IL1RAPL1: variants seen among roughly 807,000 people sequenced by gnomAD.
The protein encoded by IL1RAPL1 is interleukin-1 receptor accessory protein-like 1.
Under a neutral mutation model 48.4 loss-of-function variants are expected in IL1RAPL1, and 3 were observed. The ratio of observed to expected loss-of-function variants is 0.06; its 90% CI spans 0.03 to 0.16. The LOEUF (loss-of-function observed/expected upper bound fraction) is 0.16. IL1RAPL1 is among the 10% of genes least tolerant of loss of function. The pLI is 1.00. For synonymous variants in IL1RAPL1, 185 were observed against 187.7 expected, an observed-to-expected ratio of 0.99 and a Z score of 0.12; for missense variants, 349 against 530.6, an observed-to-expected ratio of 0.66 and a Z score of 3.36.
chrX:29,949,608 A>T (rs916064807), intron 9 of IL1RAPL1, among the ~76,000 whole-genome samples: 3 of 111,847 alleles, frequency 2.7e-5, no homozygotes, highest in African/African-American at 9.7e-5. Flanking sequence ...TAAGAAATAG[A>T]CTCTTGTACC....
chrX:28,588,408 T>G (rs1265164295), intron 1 of IL1RAPL1, among the ~76,000 whole-genome samples: 2 of 111,673 alleles, frequency 1.8e-5, no homozygotes, highest in Admixed American at 9.5e-5. Context: ...TTGTGGCCCC[T>G]GCGTTCTGGA....
intron 6 of IL1RAPL1, among the ~76,000 whole-genome samples, chrX:29,738,502 A>G (rs1025819178): frequency 3.3e-4 from 28 of 85,321 alleles, no homozygotes; most frequent in African/African-American, 1.3e-3. Flanking sequence ...GCTGGAGTGT[A>G]TGGTGTGATC....
intron 5 of IL1RAPL1, among the ~76,000 whole-genome samples, chrX:29,484,406 G>A (rs1222515257): frequency 9.0e-6 from 1 of 111,257 alleles, no homozygotes; most frequent in Admixed American, 9.6e-5. Flanking sequence ...CAAAATCCCC[G>A]CCTCCAAATA....
intron 6 of IL1RAPL1, among the ~76,000 whole-genome samples, chrX:29,911,708 T>C (rs760432648): frequency 8.9e-6 from 1 of 112,189 alleles, no homozygotes; most frequent in South Asian, 3.7e-4. Context: ...GAATATTTTC[T>C]TGATGTTTGT....
At chrX:29,732,103 T>A (rs1927934796) in intron 6 of IL1RAPL1, among the ~76,000 whole-genome samples, 1 of 111,880 alleles carries the variant, frequency 8.9e-6, no homozygotes, top group African/African-American at 3.2e-5. Flanking sequence ...ATATTTACTA[T>A]CCTCAAAATG....
chrX:29,216,270 G>A (rs1030743437), intron 2 of IL1RAPL1, among the ~76,000 whole-genome samples: 10 of 110,725 alleles, frequency 9.0e-5, no homozygotes, highest in Non-Finnish European at 7.6e-5. Flanking sequence ...ATTCGCTGTA[G>A]CCTCAACCTA....
chrX:28,839,365 A>T (rs1432912889), intron 2 of IL1RAPL1, among the ~76,000 whole-genome samples: 6 of 110,720 alleles, frequency 5.4e-5, no homozygotes, highest in African/African-American at 2.0e-4. Flanking sequence ...GTTTTTTCTT[A>T]TATTTATAAT....
chrX:29,740,616 CTTGTTACA>C (rs1163267347), intron 6 of IL1RAPL1, among the ~76,000 whole-genome samples: 1 of 111,599 alleles, frequency 9.0e-6, no homozygotes, highest in Non-Finnish European at 1.9e-5. Flanking sequence ...CACTGCCACA[CTTGTTACA>C]TTGTGCTGAG....
chrX:29,547,562 G>A (rs1470719397), intron 5 of IL1RAPL1, among the ~76,000 whole-genome samples: 3 of 111,837 alleles, frequency 2.7e-5, no homozygotes, highest in Non-Finnish European at 3.8e-5. Context: ...TTTTATTTAA[G>A]CTGATAACCA....
At chrX:29,914,086 G>A (rs750698219) in intron 6 of IL1RAPL1, among the ~76,000 whole-genome samples, 24 of 111,105 alleles carry the variant, frequency 2.2e-4, no homozygotes, top group Non-Finnish European at 4.0e-4. Flanking sequence ...ACTGGTTAGA[G>A]TTCTCCTAGG....
At chrX:29,906,883 A>ATTTT (rs1168646497) in intron 6 of IL1RAPL1, among the ~76,000 whole-genome samples, 2 of 110,424 alleles carry the variant, frequency 1.8e-5, no homozygotes, top group Non-Finnish European at 3.8e-5. Context: ...GTGGAGGTAA[A>ATTTT]TTTTTTGACA....
intron 2 of IL1RAPL1, among the ~76,000 whole-genome samples, chrX:29,131,262 CTG>C (rs1363446534): frequency 1.2e-5 from 1 of 86,604 alleles, no homozygotes; most frequent in African/African-American, 3.6e-5. Flanking sequence ...GTTTATATGC[CTG>C]TGTGTGTGTG....
intron 6 of IL1RAPL1, among the ~76,000 whole-genome samples, chrX:29,879,912 C>A (rs956786927): frequency 1.8e-5 from 2 of 111,069 alleles, no homozygotes; most frequent in Non-Finnish European, 3.8e-5. Context: ...TTAATAGTTT[C>A]GTGCCTAAGA....
chrX:29,656,990 A>G (rs1925702440), intron 5 of IL1RAPL1, among the ~76,000 whole-genome samples: 1 of 110,662 alleles, frequency 9.0e-6, no homozygotes, highest in Non-Finnish European at 1.9e-5. Flanking sequence ...CCCGTACCCT[A>G]TCATACCTGA....
At chrX:29,076,537 C>T (rs754586224) in intron 2 of IL1RAPL1, among the ~76,000 whole-genome samples, 2 of 111,629 alleles carry the variant, frequency 1.8e-5, no homozygotes, top group African/African-American at 6.5e-5. Flanking sequence ...AAACTTTCTC[C>T]CTCCCATCCC....
chrX:28,866,994 G>A (rs1432040003), intron 2 of IL1RAPL1, among the ~76,000 whole-genome samples: 2 of 111,904 alleles, frequency 1.8e-5, no homozygotes, highest in Non-Finnish European at 3.8e-5. Flanking sequence ...GGAGGGATGG[G>A]CCACTGAGGG....
At chrX:29,835,658 G>A (rs1930977120) in intron 6 of IL1RAPL1, among the ~76,000 whole-genome samples, 1 of 111,038 alleles carries the variant, frequency 9.0e-6, no homozygotes, top group South Asian at 3.7e-4. Context: ...TCTGACGGGA[G>A]ACATTTTACT....
chrX:29,933,133 A>G (rs1362749236), intron 8 of IL1RAPL1, among the ~76,000 whole-genome samples: 3 of 111,127 alleles, frequency 2.7e-5, no homozygotes, highest in Non-Finnish European at 5.7e-5. Context: ...GAGTAGAACA[A>G]TGAGAACACA....
intron 5 of IL1RAPL1, among the ~76,000 whole-genome samples, chrX:29,512,850 T>G (rs752483128): frequency 3.6e-5 from 4 of 111,998 alleles, no homozygotes; most frequent in Non-Finnish European, 7.5e-5. Flanking sequence ...AGCCAAACAT[T>G]TATAGCATCT....
Sources: allele counts gnomAD v4.1 joint callset (sites outside exome capture counted in the v4.1 genomes callset), GRCh38; gene constraint gnomAD v4.1.1; transcripts MANE v1.5; gene names NCBI Gene and HGNC (gene_info 2026-07-23, HGNC 2026-07-21).